The following FBN2 variants were observed in gnomAD, a reference collection of about 807,000 sequenced individuals.
FBN2 encodes the protein fibrillin-2.
A neutral mutation model predicts 355.6 loss-of-function variants in FBN2; 105 were observed. The observed-to-expected ratio is 0.30, with a 90% confidence interval of 0.25 to 0.35. The LOEUF is 0.35. Ranked by LOEUF, FBN2 falls within the 10% of genes least tolerant of loss-of-function variation. The pLI is 1.00. For missense variants in FBN2, 3,280 were observed against 3,758.7 expected (o/e 0.87, Z 3.33); for synonymous variants, 1,350 against 1,301.2 (o/e 1.04, Z -0.81).
At chr5:128,454,911 A>C (rs1754342735) in intron 6 of FBN2, among the ~76,000 whole-genome samples, 1 of 152,236 alleles carries the variant, frequency 6.6e-6, no homozygotes, top group South Asian at 2.1e-4. Flanking sequence ...GAAATTTCAC[A>C]AACAATTTTC....
At chr5:128,319,908 G>A (rs1750323321) in intron 34 of FBN2, among the ~76,000 whole-genome samples, 1 of 152,178 alleles carries the variant, frequency 6.6e-6, no homozygotes, top group African/African-American at 2.4e-5. Flanking sequence ...ATGCAGACCA[G>A]GCACGTCATT....
chr5:128,536,888 C>T (rs1756860957), intron 1 of FBN2, among the ~76,000 whole-genome samples: 1 of 152,060 alleles, frequency 6.6e-6, no homozygotes, highest in African/African-American at 2.4e-5. Context: ...TCAAGGAAAG[C>T]GCGTCGCAAG....
At chr5:128,335,928 A>G in intron 28 of FBN2, 60 bp downstream of exon 28, 1 of 1,594,014 alleles carries the variant, frequency 6.3e-7, no homozygotes, top group Non-Finnish European at 8.6e-7. Context: ...TTCAGCGCCA[A>G]AAGTTTTCCT....
rs909646670 is a variant in FBN2, at chr5:128,400,299, A to G, written c.1079-5025T>C. Among the ~76,000 whole-genome samples, 14 of 152,140 alleles carry G rather than the reference A, an allele frequency of 9.2e-5. 1 individual carries two copies. Among genetic ancestry groups the G allele is most frequent in the Admixed American group, 5.9e-4 (9 of 15,284 alleles). ...AAAATAGAGTCAATACATAATTTTA[A>G]AACGGTTCAATTCACCAGGAAAATA... On this transcript the variant is annotated intron_variant, in intron 8 of 64. Transcript: ENST00000262464.
At chr5:128,387,704 G>A (rs1037504115) in intron 11 of FBN2, among the ~76,000 whole-genome samples, 2 of 152,082 alleles carry the variant, frequency 1.3e-5, no homozygotes, top group Non-Finnish European at 2.9e-5. Context: ...TGTGGTCTGA[G>A]AGTGTGGTTG....
At chr5:128,528,022 T>C (rs1756608260) in intron 3 of FBN2, 55 bp from the exon 4 acceptor site, 3 of 1,129,748 alleles carry the variant, frequency 2.7e-6, no homozygotes, top group Non-Finnish European at 2.7e-6. Context: ...AATTATAGTA[T>C]ATGTGAGAGG....
At chr5:128,423,780 T>C (rs993188529) in intron 7 of FBN2, among the ~76,000 whole-genome samples, 1 of 152,194 alleles carries the variant, frequency 6.6e-6, no homozygotes, top group East Asian at 1.9e-4. Flanking sequence ...AGAAAGGTAG[T>C]TGTGCTGCAG....
rs764891703 is a variant in FBN2, at chr5:128,272,130, A to G, written c.7841-12T>C. 1 of 1,613,932 alleles carries G rather than the reference A, an allele frequency of 6.2e-7. No homozygotes were observed. Among genetic ancestry groups the G allele is most frequent in the Non-Finnish European group, 8.5e-7 (1 of 1,179,902 alleles). Reference sequence around the variant, plus strand: ...ACATTCATCAACATCTGCAAAAACAAGCCCGGCAAAACCTTTATGTCACCT... The same window carrying G: ...ACATTCATCAACATCTGCAAAAACAGGCCCGGCAAAACCTTTATGTCACCT... On this transcript the variant is annotated splice_polypyrimidine_tract_variant and intron_variant, in intron 61 of 64. Coordinates refer to ENST00000262464, the MANE Select transcript of FBN2 (RefSeq NM_001999.4).
chr5:128,314,609 C>T (rs1185461395), intron 36 of FBN2, among the ~76,000 whole-genome samples: 1 of 152,162 alleles, frequency 6.6e-6, no homozygotes, highest in Non-Finnish European at 1.5e-5. Context: ...AGCCACCACG[C>T]CCAGCCTAAT....
chr5:128,291,702 A>C, intron 48 of FBN2, 48 bp from the exon 49 acceptor site: 3 of 1,573,640 alleles, frequency 1.9e-6, no homozygotes, highest in Non-Finnish European at 2.6e-6. Context: ...CTTGAAAATA[A>C]ACAATTGTCC....
chr5:128,399,763 C>T (rs1387762963), intron 8 of FBN2, among the ~76,000 whole-genome samples: 3 of 151,750 alleles, frequency 2.0e-5, no homozygotes, highest in African/African-American at 7.3e-5. Context: ...TTTAAATATG[C>T]ATCTTAAAAC....
At chr5:128,366,934 G>C (rs1751787897) in intron 16 of FBN2, among the ~76,000 whole-genome samples, 1 of 152,148 alleles carries the variant, frequency 6.6e-6, no homozygotes. Context: ...CTTGACCAAA[G>C]TCACAGAGGT....
chr5:128,297,428 A>G (rs1375778750), intron 48 of FBN2, among the ~76,000 whole-genome samples: 2 of 152,090 alleles, frequency 1.3e-5, no homozygotes, highest in Non-Finnish European at 2.9e-5. Flanking sequence ...TCTAATGTTG[A>G]CAGTGGGGTG....
intron 41 of FBN2, among the ~76,000 whole-genome samples, chr5:128,308,429 T>C (rs1307432337): frequency 1.3e-5 from 2 of 152,176 alleles, no homozygotes; most frequent in African/African-American, 4.8e-5. Flanking sequence ...TTTTCATCAT[T>C]TCTCTCCTTA....
chr5:128,487,622 C>T (rs1026525019), intron 5 of FBN2, among the ~76,000 whole-genome samples: 6 of 152,078 alleles, frequency 3.9e-5, no homozygotes, highest in Non-Finnish European at 7.4e-5. Context: ...TTCTCTATTA[C>T]CTAGCACAGT....
chr5:128,332,452 G>A (rs1292758688), intron 32 of FBN2, among the ~76,000 whole-genome samples: 1 of 152,096 alleles, frequency 6.6e-6, no homozygotes, highest in Non-Finnish European at 1.5e-5. Flanking sequence ...AGACCTCTTG[G>A]AATGCAAGAA....
intron 20 of FBN2, among the ~76,000 whole-genome samples, chr5:128,352,147 T>C (rs1277348363): frequency 6.6e-6 from 1 of 152,174 alleles, no homozygotes; most frequent in African/African-American, 2.4e-5. Context: ...ACATCACTTA[T>C]AAAACCCTCA....
chr5:128,480,475 T>C (rs769252808), intron 5 of FBN2, among the ~76,000 whole-genome samples: 17 of 152,164 alleles, frequency 1.1e-4, no homozygotes, highest in Non-Finnish European at 2.1e-4. Flanking sequence ...GCTTTACTTA[T>C]AGTGTATGAT....
At chr5:128,496,200 C>CT (rs1419453993) in intron 5 of FBN2, among the ~76,000 whole-genome samples, 1 of 152,050 alleles carries the variant, frequency 6.6e-6, no homozygotes, top group Non-Finnish European at 1.5e-5. Context: ...CACAATTACA[C>CT]TGATACCAAA....
Sources: gnomAD v4.1 joint callset for allele counts (sites outside exome capture counted in the v4.1 genomes callset) on GRCh38, gnomAD v4.1.1 for gene constraint, MANE v1.5 for transcripts, NCBI Gene and HGNC (gene_info 2026-07-23, HGNC 2026-07-21) for gene names.